MORN4: variants seen among roughly 807,000 people sequenced by gnomAD.
MORN4 encodes the protein MORN repeat containing 4.
A neutral mutation model predicts 16.4 loss-of-function variants in MORN4; 8 were observed. The ratio of observed to expected loss-of-function variants is 0.49; its 90% CI spans 0.29 to 0.88. The LOEUF is 0.88. Among genes scored for constraint, MORN4 ranks in the 40% least tolerant of loss-of-function variants. MORN4 has a pLI of 0.09. For synonymous variants in MORN4, 53 were observed against 68.9 expected (o/e 0.77, Z 1.14); for missense variants, 159 against 182.9 (o/e 0.87, Z 0.75).
Position 97,633,309 on chromosome 10 carries a change from T to G in MORN4, c.-31+38A>C, listed in dbSNP as rs779791764. 7.8e-7 allele frequency: 1 copy of G among 1,287,412 alleles called. No homozygotes were observed. The highest frequency in any genetic ancestry group is 1.0e-6 in the Non-Finnish European group (1 of 987,798). 79.7% of individuals were successfully genotyped at this position (1,287,412 alleles called of 1,614,324 possible). On this transcript the variant is annotated intron_variant, in intron 1 of 4. Coordinates refer to ENST00000307450, the MANE Select transcript of MORN4 (RefSeq NM_178832.4). This position sits in a 1 kb window ranked among gnomAD's most constrained non-coding sequence, Gnocchi z 4.5. ...TCAGTGCCCACCTGACCGATCACAC[T>G]CTTTCCCGGCCCCCTCCCTCCTGCG...
intron 1 of MORN4, among the ~76,000 whole-genome samples, chr10:97,627,586 A>G (rs1007916641): frequency 3.3e-5 from 5 of 152,180 alleles, no homozygotes; most frequent in Admixed American, 1.3e-4. Flanking sequence ...AGTTATAAGA[A>G]TCCCTGTGCT....
At chr10:97,631,830 G>A (rs1443896145) in intron 1 of MORN4, among the ~76,000 whole-genome samples, 3 of 152,164 alleles carry the variant, frequency 2.0e-5, no homozygotes, top group East Asian at 3.8e-4. Flanking sequence ...AGCTACTCAG[G>A]AGGCTGAGGT....
chr10:97,625,009 T>A (rs941478055), intron 1 of MORN4, among the ~76,000 whole-genome samples: 1 of 152,194 alleles, frequency 6.6e-6, no homozygotes, highest in Non-Finnish European at 1.5e-5. Flanking sequence ...TCAGTGTTTT[T>A]AAAATATATT....
chr10:97,630,483 A>G (rs2041387233), intron 1 of MORN4, among the ~76,000 whole-genome samples: 1 of 152,254 alleles, frequency 6.6e-6, no homozygotes, highest in African/African-American at 2.4e-5. Flanking sequence ...GGTTTTCAAC[A>G]GTACATACTA....
rs1015267919 is a variant in MORN4 at position 97,616,359 on chromosome 10, G to A, written c.345C>T (p.Leu115=). 4 of 1,613,180 alleles carry A rather than the reference G, an allele frequency of 2.5e-6. No individual in the cohort carries two copies. In the African/African-American group the frequency reaches 4.0e-5, roughly 16 times the overall value. The stretch of plus-strand genomic sequence containing the variant: ...GTCGCAGCAGCTTGTTGTTCTCAAA[G>A]AGACCTTCATTGCGGGGGATTCCAT... ...GSHGIPRNEG[L]FENNKLLRRE... The change falls in exon 5 of 5, where the codon CTC becomes CTT. Residue 115 remains leucine (L), a synonymous_variant. Coordinates refer to ENST00000307450, the MANE Select transcript of MORN4 (RefSeq NM_178832.4).
chr10:97,622,461 G>A (rs1001969043), intron 1 of MORN4, among the ~76,000 whole-genome samples: 3 of 151,910 alleles, frequency 2.0e-5, no homozygotes, highest in Non-Finnish European at 4.4e-5. Context: ...TGAGGCTTGC[G>A]GACCACTTGA....
At chr10:97,627,433 G>C (rs369164158) in intron 1 of MORN4, among the ~76,000 whole-genome samples, 1 of 152,126 alleles carries the variant, frequency 6.6e-6, no homozygotes. Context: ...GTGAGCTACC[G>C]CGCCCAGCCA....
At chr10:97,629,925 A>ATT (rs35892196) in intron 1 of MORN4, among the ~76,000 whole-genome samples, 52 of 126,376 alleles carry the variant, frequency 4.1e-4, no homozygotes, top group African/African-American at 1.3e-3. Flanking sequence ...CGCCCAGCTA[A>ATT]TTTTTTTTTT....
chr10:97,615,507 G>T lies in MORN4; in HGVS notation c.*756C>A, dbSNP rs2041228862. ...GGAGACCAAGGCGGGTGGATCACGA[G>T]GTCAGGAGTTTGAGACCAGCCTGGC... On this transcript the variant is annotated 3_prime_UTR_variant, in exon 5 of 5. Transcript: ENST00000307450. 1 of 152,178 alleles carries T rather than the reference G, an allele frequency of 6.6e-6. No individual in the cohort carries two copies. The highest frequency in any genetic ancestry group is 1.5e-5 in the Non-Finnish European group (1 of 68,056). The allele number at this position is 152,178 out of a possible 1,614,324, so 9.4% of individuals were successfully genotyped here.
chr10:97,617,676 A>T (rs975704075), intron 2 of MORN4, among the ~76,000 whole-genome samples: 1 of 152,104 alleles, frequency 6.6e-6, no homozygotes, highest in African/African-American at 2.4e-5. Context: ...CCTGGCCAAC[A>T]TGGTGAAACC....
chr10:97,617,861 A>AAAAC (rs894435432), intron 2 of MORN4, among the ~76,000 whole-genome samples: 14 of 151,852 alleles, frequency 9.2e-5, no homozygotes, highest in Non-Finnish European at 1.2e-4. Flanking sequence ...TCCGTCTCAA[A>AAAAC]AAACAAACAA....
intron 1 of MORN4, among the ~76,000 whole-genome samples, chr10:97,622,891 A>ATTTT (rs1179712727): frequency 6.7e-6 from 1 of 148,632 alleles, no homozygotes; most frequent in African/African-American, 2.5e-5. Context: ...TTATTTATTT[A>ATTTT]TTTATTTTTT....
chr10:97,622,853 T>C (rs2135738398), intron 1 of MORN4, among the ~76,000 whole-genome samples: 1 of 145,716 alleles, frequency 6.9e-6, no homozygotes, highest in South Asian at 2.2e-4. Flanking sequence ...CATCCCTTCA[T>C]CTTTCATTTA....
intron 1 of MORN4, among the ~76,000 whole-genome samples, chr10:97,624,892 A>C (rs957187732): frequency 6.6e-6 from 1 of 152,118 alleles, no homozygotes; most frequent in African/African-American, 2.4e-5. Context: ...GGGTTTCACC[A>C]TGTTGGTCAG....
At position 97,617,097 on chromosome 10, in the gene MORN4, T is replaced by C. The variant is rs971362446; in HGVS notation, c.182+111A>G. The C allele has an allele frequency of 4.7e-6, 4 of 850,068 alleles. No homozygotes were observed. In the African/African-American group the frequency reaches 6.7e-5, roughly 14 times the overall value. 52.7% of individuals were successfully genotyped at this position (850,068 alleles called of 1,614,324 possible). A position where few individuals can be genotyped will look rare whatever the true frequency, so the allele number is the denominator to read the frequency against. On this transcript the variant is annotated intron_variant, in intron 3 of 4. Transcript: ENST00000307450. ...AAGAACTACTTATTACTCATCTGTG[T>C]TCTGCAGGGAGTGAGACAAGGTCAG...
chr10:97,620,020 C>T (rs76691416), intron 1 of MORN4, among the ~76,000 whole-genome samples: 43 of 152,128 alleles, frequency 2.8e-4, no homozygotes, highest in African/African-American at 9.2e-4. Context: ...CTTCCCTTGA[C>T]GAGTTTATAA....
intron 1 of MORN4, among the ~76,000 whole-genome samples, chr10:97,622,693 C>CAAA (rs1322656539): frequency 2.1e-4 from 12 of 55,854 alleles, no homozygotes; most frequent in African/African-American, 7.2e-4. Context: ...GACCCTGTCT[C>CAAA]AAAAAAAAAA....
intron 1 of MORN4, among the ~76,000 whole-genome samples, chr10:97,626,775 T>A (rs1393135791): frequency 8.0e-6 from 1 of 124,328 alleles, no homozygotes; most frequent in South Asian, 2.4e-4. Context: ...TTTTTTTTTT[T>A]AGACAGAGTT....
At chr10:97,619,489 GA>G in intron 2 of MORN4, 97 bp downstream of exon 2, 1 of 852,216 alleles carries the variant, frequency 1.2e-6, no homozygotes, top group Non-Finnish European at 2.1e-6. Flanking sequence ...TCCTGGAGTT[GA>G]AAATGAAGAT....
Sources: gnomAD v4.1 joint callset for allele counts (sites outside exome capture counted in the v4.1 genomes callset) on GRCh38, gnomAD v4.1.1 for gene constraint, Gnocchi (gnomAD v3.1) non-coding constraint, MANE v1.5 for transcripts, NCBI Gene and HGNC (gene_info 2026-07-23, HGNC 2026-07-21) for gene names.